MYCBP2: variants seen among roughly 807,000 people sequenced by gnomAD.
MYCBP2 encodes the protein MYC binding protein 2, also known as E3 ubiquitin-protein ligase MYCBP2.
In MYCBP2, 120 loss-of-function variants were observed where a neutral mutation model predicts 525.3. The observed-to-expected ratio is 0.23, with a 90% CI of 0.20 to 0.27. MYCBP2 has a LOEUF of 0.27. Ranked by LOEUF, MYCBP2 falls within the 10% of genes least tolerant of loss-of-function variation. The probability of loss-of-function intolerance (pLI) is 1.00; values close to 1 mark genes in which losing one functional copy is unlikely to be tolerated. For missense variants in MYCBP2, 4,149 were observed against 5,657.1 expected (o/e 0.73, Z 8.55); for synonymous variants, 1,894 against 1,955.8 (o/e 0.97, Z 0.83).
intron 15 of MYCBP2, among the ~76,000 whole-genome samples, chr13:77,246,023 GACAAAGACA>G (rs1395953008): frequency 6.6e-6 from 1 of 151,818 alleles, no homozygotes; most frequent in Non-Finnish European, 1.5e-5. Flanking sequence ...GGTATATGTT[GACAAAGACA>G]CTCCCAGAAA....
chr13:77,233,003 G>GTA (rs1260894048), intron 18 of MYCBP2, among the ~76,000 whole-genome samples, 153 bp downstream of exon 18: 7 of 152,206 alleles, frequency 4.6e-5, no homozygotes, highest in Non-Finnish European at 1.0e-4. Context: ...CTGACAAACG[G>GTA]TATCACTTTC....
chr13:77,247,646 C>T (rs1388858471), intron 15 of MYCBP2, among the ~76,000 whole-genome samples: 1 of 152,156 alleles, frequency 6.6e-6, no homozygotes, highest in East Asian at 1.9e-4. Context: ...ACAAAGTACT[C>T]GGTTTTGACT....
intron 39 of MYCBP2, among the ~76,000 whole-genome samples, chr13:77,169,256 C>T (rs1050455083): frequency 6.6e-6 from 1 of 151,996 alleles, no homozygotes; most frequent in Non-Finnish European, 1.5e-5. Flanking sequence ...ATTAGCCGGG[C>T]GCAGTGGCGG....
intron 52 of MYCBP2, among the ~76,000 whole-genome samples, chr13:77,130,432 T>C (rs1286118867): frequency 2.0e-5 from 3 of 151,910 alleles, no homozygotes; most frequent in Non-Finnish European, 4.4e-5. Context: ...TATATACATA[T>C]ATATGTACAG....
chr13:77,284,659 A>G (rs1351558702), intron 3 of MYCBP2, among the ~76,000 whole-genome samples: 1 of 152,220 alleles, frequency 6.6e-6, no homozygotes, highest in East Asian at 1.9e-4. Context: ...TAATAAACTG[A>G]AGAGTTCCTT....
Position 77,263,809 on chromosome 13 carries a change from CACAGCATT to C in MYCBP2, c.1432-28_1432-21del, listed in dbSNP as rs1322457533. ...GCCATCCTAAGAAAAATAAAACATC[CACAGCATT>C]ACATTACATAAAGAGGTCGTTCAAG... On this transcript the variant is annotated intron_variant, in intron 9 of 82. Transcript: ENST00000544440. The C allele has an allele frequency of 2.5e-6, 4 of 1,612,380 alleles. No individual in the cohort carries two copies. In the South Asian group the frequency reaches 3.3e-5, roughly 13 times the overall value.
chr13:77,291,616 A>T lies in MYCBP2; in HGVS notation c.379-3240T>A, dbSNP rs186310428. Among the ~76,000 whole-genome samples, 34 of 152,212 alleles carry T rather than the reference A, an allele frequency of 2.2e-4. No individual in the cohort carries two copies. The East Asian group carries it at 4.4e-3, about 20-fold the overall frequency. ...AACCCCGTCTCTACTAAAAATACAAAATTAGCCGGGCGTGGCGGTGCATGC... is the reference window on the plus strand; with the variant it reads ...AACCCCGTCTCTACTAAAAATACAATATTAGCCGGGCGTGGCGGTGCATGC... On this transcript the variant is annotated intron_variant, in intron 2 of 82. Transcript: ENST00000544440.
chr13:77,133,916 A>G (rs985570252), intron 52 of MYCBP2, among the ~76,000 whole-genome samples: 1 of 152,154 alleles, frequency 6.6e-6, no homozygotes, highest in Non-Finnish European at 1.5e-5. Context: ...GAGTACTCCA[A>G]GGATCAGAAC....
intron 55 of MYCBP2, among the ~76,000 whole-genome samples, chr13:77,111,656 G>A (rs1359794487): frequency 1.3e-5 from 2 of 151,148 alleles, no homozygotes; most frequent in East Asian, 3.9e-4. Context: ...GCATTTTACT[G>A]CCTAAATATT....
At chr13:77,067,441 C>A (rs1053926562) in intron 71 of MYCBP2, 140 bp downstream of exon 71, 1 of 820,618 alleles carries the variant, frequency 1.2e-6, no homozygotes, top group East Asian at 2.6e-5. Flanking sequence ...TATACATGAC[C>A]TTTTTAGATA....
intron 46 of MYCBP2, among the ~76,000 whole-genome samples, chr13:77,155,627 T>C (rs904713568): frequency 1.3e-5 from 2 of 152,202 alleles, no homozygotes; most frequent in African/African-American, 2.4e-5. Flanking sequence ...TAAACTCATA[T>C]ATTTCTAACT....
chr13:77,183,676 C>T (rs1016266541), intron 32 of MYCBP2, among the ~76,000 whole-genome samples: 3 of 150,618 alleles, frequency 2.0e-5, no homozygotes, highest in African/African-American at 2.4e-5. Flanking sequence ...CTCAGCCTCC[C>T]GAGTAGCTGA....
intron 4 of MYCBP2, among the ~76,000 whole-genome samples, chr13:77,278,342 G>A (rs1251210974): frequency 6.6e-6 from 1 of 152,080 alleles, no homozygotes; most frequent in African/African-American, 2.4e-5. Context: ...TGTTTTGTTT[G>A]CCCCCCGCTT....
intron 23 of MYCBP2, among the ~76,000 whole-genome samples, chr13:77,207,545 C>A (rs1408017771): frequency 6.6e-6 from 1 of 152,096 alleles, no homozygotes; most frequent in Non-Finnish European, 1.5e-5. Context: ...AACATAAATA[C>A]ACTAAACACC....
Position 77,096,320 on chromosome 13 carries a change from T to C in MYCBP2, c.9946A>G (p.Arg3316Gly). Residue 3316 changes from arginine (R) to glycine (G), a missense_variant, in exon 57 of 83, where the codon AGG (arginine) becomes GGG (glycine). Around this residue, in one of 21 missense-constraint regions of MYCBP2, gnomAD observed 509 missense variants for 789.4 expected, o/e 0.64. Transcript: ENST00000544440. ...CAAATGGAATAAAATACCTTCTCCC[T>C]TGCAGCAGCCTGTTTTTCGCGGAGG... Reference protein sequence around the residue: ...KYLREKQAAAREKVKQSRRKP... With the variant: ...KYLREKQAAAGEKVKQSRRKP... 6.2e-7 allele frequency: 1 copy of C among 1,613,068 alleles called. No homozygotes were observed. Among genetic ancestry groups the C allele is most frequent in the Non-Finnish European group, 8.5e-7 (1 of 1,179,382 alleles).
chr13:77,323,952 T>G (rs1289988735), intron 1 of MYCBP2, among the ~76,000 whole-genome samples: 1 of 152,052 alleles, frequency 6.6e-6, no homozygotes, highest in Non-Finnish European at 1.5e-5. Flanking sequence ...CTGAGATCCC[T>G]TTGACCTTTT....
At chr13:77,156,854 T>G (rs1264971694) in intron 45 of MYCBP2, among the ~76,000 whole-genome samples, 1 of 152,216 alleles carries the variant, frequency 6.6e-6, no homozygotes, top group Admixed American at 6.5e-5. Flanking sequence ...AACGTCTGCA[T>G]AGTATAGTAG....
chr13:77,273,279 A>G (rs925096724), intron 5 of MYCBP2, among the ~76,000 whole-genome samples, 193 bp downstream of exon 5: 1 of 152,194 alleles, frequency 6.6e-6, no homozygotes, highest in Non-Finnish European at 1.5e-5. Context: ...AATTCATTTT[A>G]TTATATTTAA....
intron 26 of MYCBP2, among the ~76,000 whole-genome samples, chr13:77,194,784 T>A (rs1223747803): frequency 6.6e-6 from 1 of 151,780 alleles, no homozygotes; most frequent in Non-Finnish European, 1.5e-5. Context: ...GGTAGAGAAA[T>A]ATTAGCTACA....
Sources: allele counts gnomAD v4.1 joint callset (sites outside exome capture counted in the v4.1 genomes callset), GRCh38; gene constraint gnomAD v4.1.1; regional missense constraint gnomAD v4.1.1; transcripts MANE v1.5; gene names NCBI Gene and HGNC (gene_info 2026-07-23, HGNC 2026-07-21).